EPHA7: variants seen among roughly 807,000 people sequenced by gnomAD.
The protein encoded by EPHA7 is EPH receptor A7, also known as ephrin type-A receptor 7.
In EPHA7, 25 loss-of-function variants were observed where a neutral mutation model predicts 112.6. The observed-to-expected ratio is 0.22, with a 90% CI of 0.16 to 0.31. The LOEUF (loss-of-function observed/expected upper bound fraction) is 0.31, where lower values mean the gene tolerates loss of function less well. Among genes scored for constraint, EPHA7 ranks in the 10% least tolerant of loss-of-function variants. The pLI, the probability that EPHA7 is intolerant of heterozygous loss-of-function variation, is 1.00. For synonymous variants in EPHA7, 437 were observed against 406.5 expected (o/e 1.07, Z -0.90); for missense variants, 962 against 1,212.6 (o/e 0.79, Z 3.07).
chr6:93,411,942 A>G (rs186816661), intron 2 of EPHA7, among the ~76,000 whole-genome samples: 2 of 152,222 alleles, frequency 1.3e-5, no homozygotes, highest in Admixed American at 1.3e-4. Flanking sequence ...GTCCATTTAT[A>G]TGTTGATATA....
intron 14 of EPHA7, among the ~76,000 whole-genome samples, chr6:93,251,637 T>A (rs1582391113): frequency 1.3e-5 from 2 of 151,598 alleles, no homozygotes; most frequent in East Asian, 3.9e-4. Flanking sequence ...ATCTATATAG[T>A]AAAAAACTTC....
At chr6:93,391,102 C>A (rs1777882892) in intron 3 of EPHA7, among the ~76,000 whole-genome samples, 2 of 151,854 alleles carry the variant, frequency 1.3e-5, no homozygotes, top group African/African-American at 4.8e-5. Context: ...TTTAAATTGT[C>A]AACAAGTATT....
intron 3 of EPHA7, among the ~76,000 whole-genome samples, chr6:93,396,343 A>G (rs917807824): frequency 2.0e-5 from 3 of 151,848 alleles, no homozygotes; most frequent in Non-Finnish European, 2.9e-5. Flanking sequence ...TAAAATGTAC[A>G]TACCTGAAAA....
intron 3 of EPHA7, among the ~76,000 whole-genome samples, chr6:93,395,435 A>G (rs1778118942): frequency 6.6e-6 from 1 of 151,936 alleles, no homozygotes; most frequent in Non-Finnish European, 1.5e-5. Flanking sequence ...TCTGCAGCAC[A>G]GTCAAGCTCT....
chr6:93,309,903 T>C (rs1021604518), intron 5 of EPHA7, among the ~76,000 whole-genome samples: 1 of 152,178 alleles, frequency 6.6e-6, no homozygotes, highest in African/African-American at 2.4e-5. Context: ...TTTTGACTTT[T>C]TAAAATGGCA....
In EPHA7 at chr6:93,278,246, A is replaced by T. The variant is rs941932075; in HGVS notation, c.1325-5824T>A. Among the ~76,000 whole-genome samples, 7 of 152,082 alleles carry T rather than the reference A, an allele frequency of 4.6e-5. No individual in the cohort carries two copies. In the East Asian group the frequency reaches 1.3e-3, roughly 29 times the overall value. ...TGTTGGTCATTGTTGCTAAACACAT[A>T]CTAGGACTCCTCCTAATCTCTGCTA... On this transcript the variant is annotated intron_variant, in intron 5 of 16. Transcript: ENST00000369303.
At chr6:93,341,034 A>T (rs188347824) in intron 5 of EPHA7, among the ~76,000 whole-genome samples, 1 of 152,010 alleles carries the variant, frequency 6.6e-6, no homozygotes, top group African/African-American at 2.4e-5. Context: ...CCTTTCTCCT[A>T]GTACCATCAG....
At chr6:93,402,311 C>T (rs1376888097) in intron 3 of EPHA7, among the ~76,000 whole-genome samples, 1 of 151,922 alleles carries the variant, frequency 6.6e-6, no homozygotes, top group Non-Finnish European at 1.5e-5. Flanking sequence ...TCAAATAAAA[C>T]CTACAATGTT....
At position 93,269,470 on chromosome 6, in the gene EPHA7, T is replaced by A; in HGVS notation, c.1633+7A>T. ...AGAGTAGGAATCCAAACCAAAGGCA[T>A]AATTACCTTCAAACATTTTACCTGT... On this transcript the variant is annotated splice_region_variant and intron_variant, in intron 7 of 16. Coordinates refer to ENST00000369303, the MANE Select transcript of EPHA7 (RefSeq NM_004440.4). The A allele has an allele frequency of 6.2e-7, 1 of 1,609,708 alleles. No homozygotes were observed. Among genetic ancestry groups the A allele is most frequent in the Non-Finnish European group, 8.5e-7 (1 of 1,177,380 alleles).
chr6:93,281,314 CTAT>C (rs1771725293), intron 5 of EPHA7, among the ~76,000 whole-genome samples: 1 of 152,088 alleles, frequency 6.6e-6, no homozygotes, highest in Non-Finnish European at 1.5e-5. Flanking sequence ...GAAGTAACTT[CTAT>C]TTTGATTGGT....
rs1387402442 is a variant in EPHA7 at position 93,413,662 on chromosome 6, A to T, written c.162+1041T>A. ...ATTGATTTATAATTTATCATAACCA[A>T]TACAGATAACCACAATATGAATGAA... On this transcript the variant is annotated intron_variant, in intron 2 of 16. Coordinates refer to ENST00000369303, the MANE Select transcript of EPHA7 (RefSeq NM_004440.4). Among the ~76,000 whole-genome samples the T allele has an allele frequency of 1.1e-4, 16 of 152,082 alleles. No individual in the cohort carries two copies. The East Asian group carries it at 2.7e-3, about 26-fold the overall frequency.
chr6:93,352,875 A>G (rs1775764847), intron 5 of EPHA7, among the ~76,000 whole-genome samples: 1 of 152,094 alleles, frequency 6.6e-6, no homozygotes, highest in Non-Finnish European at 1.5e-5. Context: ...TATAAGTGGG[A>G]GCTAAATGAT....
chr6:93,343,610 C>T (rs1192221239), intron 5 of EPHA7, among the ~76,000 whole-genome samples: 1 of 151,646 alleles, frequency 6.6e-6, no homozygotes, highest in East Asian at 1.9e-4. Flanking sequence ...CTGCAGGTTC[C>T]AGTTAGTAAC....
chr6:93,257,404 A>G, intron 12 of EPHA7, 58 bp downstream of exon 12: 1 of 1,349,346 alleles, frequency 7.4e-7, no homozygotes, highest in South Asian at 1.3e-5. Flanking sequence ...AAGTTCATAA[A>G]ATTATATTGG....
intron 7 of EPHA7, among the ~76,000 whole-genome samples, chr6:93,268,189 G>A (rs550170661): frequency 5.8e-4 from 88 of 151,714 alleles, no homozygotes; most frequent in Middle Eastern, 3.7e-3. Flanking sequence ...AAATTATGTA[G>A]TAAATTTTTA....
chr6:93,377,462 T>C (rs1296090329), intron 3 of EPHA7, among the ~76,000 whole-genome samples: 1 of 152,102 alleles, frequency 6.6e-6, no homozygotes, highest in Non-Finnish European at 1.5e-5. Flanking sequence ...CTTTAAAATA[T>C]TAGGTTTTCT....
intron 3 of EPHA7, among the ~76,000 whole-genome samples, chr6:93,381,251 C>A (rs1254518938): frequency 1.3e-5 from 2 of 152,044 alleles, no homozygotes; most frequent in African/African-American, 4.8e-5. Context: ...TAAGTTCTCA[C>A]CTGAAAGGAA....
intron 3 of EPHA7, among the ~76,000 whole-genome samples, chr6:93,358,740 T>C (rs1379934261): frequency 6.6e-6 from 1 of 152,178 alleles, no homozygotes; most frequent in Non-Finnish European, 1.5e-5. Context: ...AAATTTAACT[T>C]GGATTTCAAC....
intron 5 of EPHA7, among the ~76,000 whole-genome samples, chr6:93,280,427 C>T (rs74536725): frequency 0.018 from 2,679 of 152,244 alleles, 78 homozygotes; most frequent in African/African-American, 0.061. Context: ...GTGGCCTCCA[C>T]CAATAACCAA....
Sources: gnomAD v4.1 joint callset for allele counts (sites outside exome capture counted in the v4.1 genomes callset) on GRCh38, gnomAD v4.1.1 for gene constraint, MANE v1.5 for transcripts, NCBI Gene and HGNC (gene_info 2026-07-23, HGNC 2026-07-21) for gene names.